The following ROBO2 variants were observed in gnomAD, a reference collection of about 807,000 sequenced individuals.
The protein encoded by ROBO2 is roundabout guidance receptor 2.
A neutral mutation model predicts 160.8 loss-of-function variants in ROBO2; 53 were observed. That is an observed-to-expected ratio of 0.33 (90% CI 0.26 to 0.41). The LOEUF (loss-of-function observed/expected upper bound fraction) is 0.41. ROBO2 is among the 10% of genes least tolerant of loss of function. The pLI is 1.00. For synonymous variants in ROBO2, 664 were observed against 611.7 expected, an observed-to-expected ratio of 1.09 and a Z score of -1.26; for missense variants, 1,577 against 1,722.4, an observed-to-expected ratio of 0.92 and a Z score of 1.49.
At chr3:75,959,029 A>G (rs1440823597) in intron 2 of ROBO2, among the ~76,000 whole-genome samples, 1 of 151,820 alleles carries the variant, frequency 6.6e-6, no homozygotes, top group Non-Finnish European at 1.5e-5. Flanking sequence ...AAGGCAGTAT[A>G]TTAACTAGGA....
chr3:77,357,878 A>G lies in ROBO2; in HGVS notation c.389-119536A>G, dbSNP rs189498259. ...CTAAAAACTACCTTTCCCTATGGAA[A>G]TAAAATGACTAGAGAATTAAACCTT... is the stretch of plus-strand genomic sequence containing the variant. On this transcript the variant is annotated intron_variant, in intron 2 of 25. Coordinates refer to ENST00000461745, the Ensembl canonical transcript of ROBO2. Among the ~76,000 whole-genome samples, 3 of 152,346 alleles carry G rather than the reference A, an allele frequency of 2.0e-5. No homozygotes were observed. The East Asian group carries it at 5.8e-4, about 29-fold the overall frequency.
At chr3:77,045,857 A>G (rs544723795) in intron 1 of ROBO2, among the ~76,000 whole-genome samples, 11 of 152,342 alleles carry the variant, frequency 7.2e-5, no homozygotes, top group South Asian at 2.1e-4. Context: ...TATAAATGCA[A>G]TCATACAATA....
chr3:76,450,517 T>A (rs1445309350), intron 2 of ROBO2, among the ~76,000 whole-genome samples: 3 of 152,222 alleles, frequency 2.0e-5, no homozygotes, highest in African/African-American at 7.2e-5. Context: ...AGTCCTGCTA[T>A]GTTTCCCAGG....
intron 2 of ROBO2, among the ~76,000 whole-genome samples, chr3:76,114,375 C>T (rs755023986): frequency 1.2e-4 from 18 of 151,988 alleles, no homozygotes; most frequent in Non-Finnish European, 2.6e-4. Context: ...ACTAGAGTCA[C>T]AAGTTTGTGA....
intron 2 of ROBO2, among the ~76,000 whole-genome samples, chr3:77,116,975 T>G (rs79361578): frequency 0.055 from 8,387 of 152,242 alleles, 375 homozygotes; most frequent in African/African-American, 0.12. Context: ...CAGCTACCTG[T>G]GTGATCACAC....
intron 2 of ROBO2, among the ~76,000 whole-genome samples, chr3:77,002,287 C>T (rs990351029): frequency 6.6e-6 from 1 of 151,756 alleles, no homozygotes; most frequent in African/African-American, 2.4e-5. Flanking sequence ...TTAACTTATA[C>T]ACCACATAAA....
chr3:76,825,005 T>A (rs2109205511), intron 2 of ROBO2, among the ~76,000 whole-genome samples: 1 of 152,328 alleles, frequency 6.6e-6, no homozygotes, highest in African/African-American at 2.4e-5. Context: ...AGGAAGCTTC[T>A]CAACTTCTCA....
intron 1 of ROBO2, among the ~76,000 whole-genome samples, chr3:75,935,566 TATAAAC>T: frequency 6.6e-6 from 1 of 152,276 alleles, no homozygotes; most frequent in Non-Finnish European, 1.5e-5. Flanking sequence ...TAAATATTTA[TATAAAC>T]ACACGTTATC....
chr3:77,596,250 A>G (rs1343530546), intron 18 of ROBO2, among the ~76,000 whole-genome samples: 1 of 152,156 alleles, frequency 6.6e-6, no homozygotes, highest in African/African-American at 2.4e-5. Context: ...GAATTGAGGA[A>G]GGAATAGCCC....
chr3:76,212,517 T>C (rs1240857042), intron 2 of ROBO2, among the ~76,000 whole-genome samples: 1 of 152,092 alleles, frequency 6.6e-6, no homozygotes, highest in Non-Finnish European at 1.5e-5. Flanking sequence ...TCTTAGCAAT[T>C]AGATTTTTTG....
intron 2 of ROBO2, among the ~76,000 whole-genome samples, chr3:77,019,284 C>T (rs2062477747): frequency 6.6e-6 from 1 of 152,084 alleles, no homozygotes; most frequent in African/African-American, 2.4e-5. Context: ...TGGCACTTTC[C>T]AGCTGTGTCT....
At chr3:77,477,086 A>G (rs1422364704) in intron 2 of ROBO2, among the ~76,000 whole-genome samples, 1 of 152,200 alleles carries the variant, frequency 6.6e-6, no homozygotes. Context: ...TATATAGAAA[A>G]TAGAATTATA....
intron 2 of ROBO2, among the ~76,000 whole-genome samples, chr3:77,417,055 T>C (rs1456681139): frequency 6.6e-6 from 1 of 152,176 alleles, no homozygotes; most frequent in African/African-American, 2.4e-5. Context: ...ATGTTTCCTG[T>C]CTTTTAATGA....
intron 2 of ROBO2, among the ~76,000 whole-genome samples, chr3:77,301,239 T>C (rs183511986): frequency 3.7e-4 from 56 of 152,242 alleles, no homozygotes; most frequent in Admixed American, 2.2e-3. Flanking sequence ...AAGATGATTT[T>C]ATTCAGGCTT....
At chr3:77,386,038 A>T (rs2074063220) in intron 2 of ROBO2, among the ~76,000 whole-genome samples, 1 of 152,200 alleles carries the variant, frequency 6.6e-6, no homozygotes, top group Admixed American at 6.5e-5. Flanking sequence ...ATAATAACTA[A>T]TGCATATTGA....
intron 2 of ROBO2, among the ~76,000 whole-genome samples, chr3:77,456,580 A>G (rs2081662636): frequency 6.6e-6 from 1 of 152,188 alleles, no homozygotes; most frequent in Non-Finnish European, 1.5e-5. Context: ...AGAAAAGAAA[A>G]CAAACAGACT....
chr3:76,977,789 C>G (rs2059886289), intron 2 of ROBO2, among the ~76,000 whole-genome samples: 1 of 152,096 alleles, frequency 6.6e-6, no homozygotes, highest in African/African-American at 2.4e-5. Context: ...GATAGTTACA[C>G]AGAACTAGGA....
chr3:76,952,618 T>C (rs2079025664), intron 2 of ROBO2, among the ~76,000 whole-genome samples: 1 of 152,096 alleles, frequency 6.6e-6, no homozygotes. Flanking sequence ...TGCAATAAAC[T>C]TTTGCACAGT....
intron 2 of ROBO2, among the ~76,000 whole-genome samples, chr3:76,181,916 G>T (rs1300602456): frequency 6.6e-6 from 1 of 152,092 alleles, no homozygotes; most frequent in Non-Finnish European, 1.5e-5. Flanking sequence ...TTCCCCTTGT[G>T]TATTTGTGTC....
Sources: allele counts gnomAD v4.1 joint callset (sites outside exome capture counted in the v4.1 genomes callset), GRCh38; gene constraint gnomAD v4.1.1; transcripts MANE v1.5; gene names NCBI Gene and HGNC (gene_info 2026-07-23, HGNC 2026-07-21).